The following ALMS1 variants were observed in gnomAD, a reference collection of about 807,000 sequenced individuals.
The protein encoded by ALMS1 is ALMS1 centrosome and basal body associated protein.
In ALMS1, 271 loss-of-function variants were observed where a neutral mutation model predicts 352.2. That is an observed-to-expected ratio of 0.77 (90% CI 0.70 to 0.85). The LOEUF is 0.85. Among genes scored for constraint, ALMS1 ranks in the 40% least tolerant of loss-of-function variants. ALMS1 has a pLI of 0.00. For synonymous variants in ALMS1, 1,865 were observed against 1,761.2 expected (o/e 1.06, Z -1.48); for missense variants, 5,445 against 4,870.7 (o/e 1.12, Z -3.51).
chr2:73,426,437 G>A lies in ALMS1; in HGVS notation c.1238-16G>A. Reference sequence around the variant, plus strand: ...TACTATACATACAATTATGCAAAATGACTCCTATTTTGTAGAGGGCCTGCA... The same window carrying A: ...TACTATACATACAATTATGCAAAATAACTCCTATTTTGTAGAGGGCCTGCA... On this transcript the variant is annotated splice_polypyrimidine_tract_variant and intron_variant, in intron 5 of 22. Transcript: ENST00000613296. 1 of 1,612,440 alleles carries A rather than the reference G, an allele frequency of 6.2e-7. No individual in the cohort carries two copies. Among genetic ancestry groups the A allele is most frequent in the Non-Finnish European group, 8.5e-7 (1 of 1,178,504 alleles).
At chr2:73,588,608 G>A (rs1675358527) in intron 16 of ALMS1, among the ~76,000 whole-genome samples, 1 of 152,032 alleles carries the variant, frequency 6.6e-6, no homozygotes, top group Non-Finnish European at 1.5e-5. Context: ...ACTATTGTCA[G>A]TACAAAAAGT....
intron 1 of ALMS1, among the ~76,000 whole-genome samples, chr2:73,405,328 T>C (rs1670951557): frequency 6.6e-6 from 1 of 152,186 alleles, no homozygotes; most frequent in South Asian, 2.1e-4. Context: ...TGTGTGTTTC[T>C]AGGAATTGAT....
Position 73,453,991 on chromosome 2 carries a change from A to T in ALMS1, c.7464A>T (p.Gln2488His). ...SLAAHVKNLL[Q>H]CESSLNHAKE... ...CTGCACATGTGAAAAACCTTCTGCA[A>T]TGTGAATCCTCACTGAATCATGCTA... Residue 2488 changes from glutamine (Q) to histidine (H), a missense_variant, in exon 8 of 23, where the codon CAA becomes CAT. By Grantham distance (24) the Gln-to-His change is conservative. Coordinates refer to ENST00000613296, the MANE Select transcript of ALMS1 (RefSeq NM_001378454.1). The T allele has an allele frequency of 6.2e-7, 1 of 1,613,970 alleles. No homozygotes were observed. The highest frequency in any genetic ancestry group is 8.5e-7 in the Non-Finnish European group (1 of 1,179,982).
chr2:73,419,126 A>G lies in ALMS1; in HGVS notation c.454A>G (p.Thr152Ala), dbSNP rs1671236401. The part of the protein sequence containing the change: ...AQRGSGDDQK[T>A]ESWHCLPQEM... ...TTTTCCTTTAACATTTTTCTAGAAA[A>G]CAGAATCTTGGCATTGTCTTCCTCA... The change falls in exon 3 of 23, where the codon ACA becomes GCA. Residue 152 changes from threonine (T) to alanine (A), a missense_variant. By Grantham distance (58) the Thr-to-Ala change is moderately conservative. Coordinates refer to ENST00000613296, the MANE Select transcript of ALMS1 (RefSeq NM_001378454.1). The G allele has an allele frequency of 3.7e-6, 6 of 1,613,306 alleles. No individual in the cohort carries two copies. Among genetic ancestry groups the G allele is most frequent in the Non-Finnish European group, 4.2e-6 (5 of 1,179,470 alleles).
chr2:73,433,772 C>T (rs182111573), intron 7 of ALMS1, among the ~76,000 whole-genome samples: 1 of 152,200 alleles, frequency 6.6e-6, no homozygotes, highest in Non-Finnish European at 1.5e-5. Flanking sequence ...TTTTAAATTG[C>T]TAATTTCATC....
chr2:73,535,200 G>T (rs1674001861), intron 12 of ALMS1, among the ~76,000 whole-genome samples: 1 of 152,148 alleles, frequency 6.6e-6, no homozygotes, highest in African/African-American at 2.4e-5. Flanking sequence ...CTAGGGCAAA[G>T]TTTCTAAGCT....
intron 19 of ALMS1, 116 bp from the exon 20 acceptor site, chr2:73,602,069 C>T: frequency 3.7e-6 from 4 of 1,067,484 alleles, no homozygotes; most frequent in South Asian, 1.4e-5. Context: ...ACTTTCTCGG[C>T]ATTTGAATCA....
chr2:73,423,851 C>A (rs1406095190), intron 4 of ALMS1, among the ~76,000 whole-genome samples: 1 of 151,890 alleles, frequency 6.6e-6, no homozygotes, highest in Admixed American at 6.6e-5. Flanking sequence ...CATCATGGCT[C>A]ACTGTGACCT....
rs1447618947 is a variant in ALMS1, at chr2:73,572,561, A to G, written c.10684A>G (p.Thr3562Ala). The G allele has an allele frequency of 6.2e-7, 1 of 1,613,888 alleles. No individual in the cohort carries two copies. Among genetic ancestry groups the G allele is most frequent in the Non-Finnish European group, 8.5e-7 (1 of 1,179,988 alleles). ...VNLGNKEVMDTTKSQVRDYPK... is the reference protein window; with the variant it reads ...VNLGNKEVMDATKSQVRDYPK... Reference sequence around the variant, plus strand: ...TTTGGGAAACAAAGAAGTGATGGATACTACTAAAAGTCAAGTTAGAGATTA... The same window carrying G: ...TTTGGGAAACAAAGAAGTGATGGATGCTACTAAAAGTCAAGTTAGAGATTA... Residue 3562 changes from threonine to alanine, a missense_variant, in exon 16 of 23, where the codon ACT becomes GCT. Thr to Ala is a moderately conservative substitution (Grantham distance 58). Coordinates refer to ENST00000613296, the MANE Select transcript of ALMS1 (RefSeq NM_001378454.1).
chr2:73,457,698 A>G (rs537334363), intron 9 of ALMS1, among the ~76,000 whole-genome samples: 1 of 152,214 alleles, frequency 6.6e-6, no homozygotes, highest in African/African-American at 2.4e-5. Context: ...TTTTATCCAA[A>G]TTAGCAATAA....
intron 1 of ALMS1, among the ~76,000 whole-genome samples, chr2:73,386,982 T>C (rs987024069): frequency 6.6e-5 from 10 of 152,310 alleles, no homozygotes; most frequent in Admixed American, 2.6e-4. Context: ...AAAACTATTA[T>C]AGTTTTGAGT....
rs1674999981 is a variant in ALMS1, at chr2:73,573,963, ACAAGT to A, written c.11547+543_11547+547del. Among the ~76,000 whole-genome samples the A allele has an allele frequency of 3.9e-5, 6 of 152,134 alleles. No homozygotes were observed. The South Asian group carries it at 1.2e-3, about 32-fold the overall frequency. ...ATAAGGAATTGTGAATAATGGAAAGACAAGTCAAAGCCAGGAGGAAGATAAATAAG... is the reference window on the plus strand; with the variant it reads ...ATAAGGAATTGTGAATAATGGAAAGACAAAGCCAGGAGGAAGATAAATAAG... On this transcript the variant is annotated intron_variant, in intron 16 of 22. Transcript: ENST00000613296.
Position 73,443,683 on chromosome 2 carries a change from C to T in ALMS1, c.1433-4277C>T, listed in dbSNP as rs998932632. Among the ~76,000 whole-genome samples the T allele has an allele frequency of 3.9e-5, 6 of 152,080 alleles. No homozygotes were observed. In the East Asian group the frequency reaches 1.2e-3, roughly 29 times the overall value. On this transcript the variant is annotated intron_variant, in intron 7 of 22. Coordinates refer to ENST00000613296, the MANE Select transcript of ALMS1 (RefSeq NM_001378454.1). ...TTTTTGCACCTGGCTGTGAAAGCTA[C>T]TCAATAAATATCTGTTGAATGACTT...
chr2:73,573,851 GT>G (rs11292002), intron 16 of ALMS1, among the ~76,000 whole-genome samples: 105,580 of 148,524 alleles, frequency 0.71, 38,275 homozygotes, highest in East Asian at 0.99. Context: ...ATAATACAGG[GT>G]TTTTTTTTTT....
chr2:73,559,578 C>T (rs1372092843), intron 15 of ALMS1, among the ~76,000 whole-genome samples: 1 of 151,896 alleles, frequency 6.6e-6, no homozygotes, highest in Non-Finnish European at 1.5e-5. Context: ...GACATAAAAG[C>T]GTATAGAACA....
intron 20 of ALMS1, 56 bp downstream of exon 20, chr2:73,602,424 G>A (rs1428761747): frequency 1.2e-5 from 19 of 1,603,718 alleles, no homozygotes; most frequent in Middle Eastern, 1.8e-4. Flanking sequence ...AAGGTCTGCT[G>A]CTCTGCTGCA....
rs983919781 is a variant in ALMS1, at chr2:73,490,938, T to G, written c.8979T>G (p.Cys2993Trp). The G allele has an allele frequency of 1.9e-6, 3 of 1,614,008 alleles. No individual in the cohort carries two copies. The African/African-American group carries it at 4.0e-5, about 22-fold the overall frequency. The change falls in exon 10 of 23, where the codon TGT becomes TGG. Residue 2993 changes from cysteine to tryptophan, a missense_variant. Transcript: ENST00000613296. ...TTCCCCTTCCTCAAGGTCAGGATTG[T>G]GTAGTGGAAAAGAATAATCAACATA... ...HHFPLPQGQD[C>W]VVEKNNQHKP...
chr2:73,579,392 A>T (rs1430352628), intron 16 of ALMS1, among the ~76,000 whole-genome samples: 1 of 141,166 alleles, frequency 7.1e-6, no homozygotes, highest in Non-Finnish European at 1.5e-5. Context: ...ATGGAGTCTC[A>T]CTCTGTCGCC....
At chr2:73,586,487 C>T (rs1024232455) in intron 16 of ALMS1, among the ~76,000 whole-genome samples, 4 of 152,118 alleles carry the variant, frequency 2.6e-5, no homozygotes, top group African/African-American at 9.7e-5. Flanking sequence ...ATCCCAGGAC[C>T]ATTTGTTGAA....
Sources: allele counts gnomAD v4.1 joint callset (sites outside exome capture counted in the v4.1 genomes callset), GRCh38; gene constraint gnomAD v4.1.1; transcripts MANE v1.5; gene names NCBI Gene and HGNC (gene_info 2026-07-23, HGNC 2026-07-21).